SCUBE1: variants seen among roughly 807,000 people sequenced by gnomAD.
SCUBE1 encodes signal peptide, CUB and EGF-like domain-containing protein 1.
Under a neutral mutation model 124.4 loss-of-function variants are expected in SCUBE1, and 59 were observed. The ratio of observed to expected loss-of-function variants is 0.47; its 90% confidence interval spans 0.38 to 0.59. The LOEUF (loss-of-function observed/expected upper bound fraction) is 0.59. Ranked by LOEUF, SCUBE1 falls within the 20% of genes least tolerant of loss-of-function variation. The pLI is 0.00. For missense variants in SCUBE1, 1,150 were observed against 1,371.2 expected (o/e 0.84, Z 2.55); for synonymous variants, 545 against 550.9 (o/e 0.99, Z 0.15).
chr22:43,301,143 C>A (rs939874896), intron 3 of SCUBE1, among the ~76,000 whole-genome samples: 1 of 152,220 alleles, frequency 6.6e-6, no homozygotes, highest in Non-Finnish European at 1.5e-5. Context: ...CCAGTCCTTT[C>A]AATTCTGCCT....
intron 7 of SCUBE1, chr22:43,237,873 G>C (rs575563209): frequency 6.6e-6 from 1 of 152,440 alleles, no homozygotes; most frequent in South Asian, 2.1e-4. Context: ...CCAGCGCTGG[G>C]GTGGGGGCGT....
At chr22:43,250,166 T>A (rs903287749) in intron 6 of SCUBE1, among the ~76,000 whole-genome samples, 1 of 152,010 alleles carries the variant, frequency 6.6e-6, no homozygotes. Flanking sequence ...TTCCAGGGAG[T>A]GGACAGAACT....
intron 3 of SCUBE1, among the ~76,000 whole-genome samples, chr22:43,314,398 G>C (rs1926270602): frequency 6.6e-6 from 1 of 152,126 alleles, no homozygotes; most frequent in African/African-American, 2.4e-5. Context: ...CAGCACCACA[G>C]TGAGATGTGA....
intron 4 of SCUBE1, among the ~76,000 whole-genome samples, chr22:43,285,352 C>A (rs998738437): frequency 1.3e-5 from 2 of 152,190 alleles, no homozygotes; most frequent in East Asian, 1.9e-4. Context: ...CCTGGCTCTG[C>A]CCACGCCCAC....
rs145262250 is a variant in SCUBE1 at position 43,210,151 on chromosome 22, C to T, written c.2473G>A (p.Val825Ile). The change falls in exon 19 of 22, where the codon GTC becomes ATC. Residue 825 changes from valine to isoleucine, a missense_variant. Val to Ile is a conservative substitution (Grantham distance 29). Coordinates refer to ENST00000360835, the MANE Select transcript of SCUBE1 (RefSeq NM_173050.5). The surrounding 1 kb of genome is among the most constrained non-coding windows in gnomAD (Gnocchi z 4.5). The stretch of plus-strand genomic sequence containing the variant: ...TTTGGGGGAGGCGCGATGTGCCAGA[C>T]GCATTCAGCGTTGGCTGGGTAGTCG... ...PGDYPANAECVWHIAPPPKRR... is the reference protein window; with the variant it reads ...PGDYPANAECIWHIAPPPKRR... 5.0e-6 allele frequency: 8 copies of T among 1,611,018 alleles called. No individual in the cohort carries two copies. Among genetic ancestry groups the T allele is most frequent in the East Asian group, 2.2e-5 (1 of 44,792 alleles).
intron 4 of SCUBE1, among the ~76,000 whole-genome samples, chr22:43,264,456 C>A (rs1923986975): frequency 6.6e-6 from 1 of 152,254 alleles, no homozygotes; most frequent in Middle Eastern, 3.4e-3. Context: ...CTCCCTGGGG[C>A]CTGGCTGGAC....
intron 10 of SCUBE1, among the ~76,000 whole-genome samples, chr22:43,225,629 G>A (rs1458468880): frequency 6.6e-6 from 1 of 151,392 alleles, no homozygotes; most frequent in East Asian, 2.0e-4. Flanking sequence ...ACAAAAATTA[G>A]GTGATCTGGT....
rs753690826 is a variant in SCUBE1, at chr22:43,223,213, G to T, written c.1211C>A (p.Thr404Lys). The T allele has an allele frequency of 6.4e-7, 1 of 1,570,684 alleles. No individual in the cohort carries two copies. Among genetic ancestry groups the T allele is most frequent in the African/African-American group, 1.4e-5 (1 of 72,074 alleles). ...LHWNGKDCVE[T>K]GKCLSRAKTS... is the part of the protein sequence containing the mutation. ...CTTGGCGCGAGAAAGACACTTGCCTGTCTCTATGAAGGGAGATACGAGAGA... is the reference window on the plus strand; with the variant it reads ...CTTGGCGCGAGAAAGACACTTGCCTTTCTCTATGAAGGGAGATACGAGAGA... Residue 404 changes from threonine (T) to lysine (K), a missense_variant, in exon 11 of 22, where the codon ACA becomes AAA. This residue lies in a region of SCUBE1 where 757 missense variants were observed against 840.9 expected (regional missense o/e 0.90). Transcript: ENST00000360835.
intron 6 of SCUBE1, among the ~76,000 whole-genome samples, chr22:43,251,633 G>A (rs558899563): frequency 2.6e-5 from 4 of 152,248 alleles, no homozygotes; most frequent in African/African-American, 7.2e-5. Context: ...GACAAGGAAC[G>A]TGGGCAGCTC....
intron 15 of SCUBE1, 109 bp from the exon 16 acceptor site, chr22:43,214,360 G>A: frequency 8.7e-7 from 1 of 1,154,992 alleles, no homozygotes; most frequent in Non-Finnish European, 1.2e-6. Flanking sequence ...CTTGTCCCCT[G>A]GGGCCCCAAG....
rs1922692689 is a variant in SCUBE1, at chr22:43,234,791, C to G, written c.845-2916G>C. 6.6e-6 allele frequency among the ~76,000 whole-genome samples: 1 copy of G among 152,194 alleles called. No individual in the cohort carries two copies. ...GGCCAGCATTCTGAGGCTCCTGAGT[C>G]TGCTAGGATGTGGGCCCTCCCTCTG... On this transcript the variant is annotated intron_variant, in intron 7 of 21. Transcript: ENST00000360835. The surrounding 1 kb of genome is among the most constrained non-coding windows in gnomAD (Gnocchi z 4.4).
intron 3 of SCUBE1, among the ~76,000 whole-genome samples, chr22:43,292,750 C>T (rs1371642712): frequency 2.6e-5 from 4 of 152,196 alleles, no homozygotes; most frequent in East Asian, 1.9e-4. Flanking sequence ...CCTATTTAGA[C>T]TCATGGACGA....
At chr22:43,310,461 T>C (rs1036406589) in intron 3 of SCUBE1, among the ~76,000 whole-genome samples, 1 of 152,216 alleles carries the variant, frequency 6.6e-6, no homozygotes. Flanking sequence ...ATAAAGAGGC[T>C]GCCCATAGTG....
chr22:43,278,024 G>A (rs1005428692), intron 4 of SCUBE1, among the ~76,000 whole-genome samples: 4 of 152,250 alleles, frequency 2.6e-5, no homozygotes, highest in African/African-American at 9.6e-5. Flanking sequence ...AGTACTGGGG[G>A]TGCCCCTGGC....
At chr22:43,248,138 C>A (rs1923292093) in intron 6 of SCUBE1, among the ~76,000 whole-genome samples, 1 of 152,320 alleles carries the variant, frequency 6.6e-6, no homozygotes, top group East Asian at 1.9e-4. Flanking sequence ...GGAAACAGGG[C>A]AGGCAGTGAG....
At position 43,212,461 on chromosome 22, in the gene SCUBE1, C is replaced by T. The variant is rs780067935; in HGVS notation, c.2185G>A (p.Glu729Lys). 2.3e-5 allele frequency: 36 copies of T among 1,552,946 alleles called. No individual in the cohort carries two copies. Among genetic ancestry groups the T allele is most frequent in the East Asian group, 1.9e-4 (8 of 41,122 alleles). The change falls in exon 17 of 22, where the codon GAA becomes AAA. Residue 729 changes from glutamate to lysine, a missense_variant. Glu to Lys is a moderately conservative substitution (Grantham distance 56). Transcript: ENST00000360835. ...PCGGGLLTKH[E>K]GTTSFQDCEA... Reference sequence around the variant, plus strand: ...CAGTCCTGGAAGGAGGTGGTGCCTTCGTGTTTGGTGAGCAAACCCCCTCCA... The same window carrying T: ...CAGTCCTGGAAGGAGGTGGTGCCTTTGTGTTTGGTGAGCAAACCCCCTCCA...
chr22:43,325,358 G>A (rs1418456243), intron 2 of SCUBE1, among the ~76,000 whole-genome samples: 4 of 150,052 alleles, frequency 2.7e-5, no homozygotes, highest in Admixed American at 6.7e-5. Flanking sequence ...CAGGAAAATC[G>A]CTTGGACTCC....
At chr22:43,218,581 C>T (rs772017327) in intron 14 of SCUBE1, 123 bp from the exon 15 acceptor site, 29 of 998,528 alleles carry the variant, frequency 2.9e-5, no homozygotes, top group Admixed American at 8.3e-5. Context: ...CACATTCTCA[C>T]AACAGTCCTG....
rs1325657970 is a variant in SCUBE1, at chr22:43,234,696, ACC to A, written c.845-2823_845-2822del. Among the ~76,000 whole-genome samples the A allele has an allele frequency of 9.1e-3, 1,386 of 151,584 alleles. 15 individuals carry two copies. The highest frequency in any genetic ancestry group is 0.032 in the African/African-American group (1,331 of 41,326). ...CCCTTCCGCTCCTTCCTGGGTTCCC[ACC>A]CCACCGCCCCACACCAGGCAGCCAG... On this transcript the variant is annotated intron_variant, in intron 7 of 21. Transcript: ENST00000360835. This position sits in a 1 kb window ranked among gnomAD's most constrained non-coding sequence, Gnocchi z 4.4.
Sources: allele counts gnomAD v4.1 joint callset (sites outside exome capture counted in the v4.1 genomes callset), GRCh38; gene constraint gnomAD v4.1.1; regional missense constraint gnomAD v4.1.1; non-coding constraint Gnocchi (gnomAD v3.1); transcripts MANE v1.5; gene names NCBI Gene and HGNC (gene_info 2026-07-23, HGNC 2026-07-21).